ATP11C: variants seen among roughly 807,000 people sequenced by gnomAD.
ATP11C encodes phospholipid-transporting ATPase IG.
Under a neutral mutation model 97.4 loss-of-function variants are expected in ATP11C, and 36 were observed. The observed-to-expected ratio is 0.37, with a 90% CI of 0.28 to 0.49. ATP11C has a LOEUF of 0.49. Ranked by LOEUF, ATP11C falls within the 20% of genes least tolerant of loss-of-function variation. The pLI, the probability that ATP11C is intolerant of heterozygous loss-of-function variation, is 0.98. For missense variants in ATP11C, 730 were observed against 824.6 expected (o/e 0.89, Z 1.40); for synonymous variants, 275 against 290.9 (o/e 0.95, Z 0.56).
intron 6 of ATP11C, 106 bp downstream of exon 6, chrX:139,804,365 A>G: frequency 1.6e-6 from 1 of 644,214 alleles, no homozygotes; most frequent in Non-Finnish European, 2.2e-6. Flanking sequence ...AAACCTAAGA[A>G]AAAATAAAAA....
chrX:139,823,643 C>CA (rs2147870466), intron 2 of ATP11C, among the ~76,000 whole-genome samples: 1 of 110,492 alleles, frequency 9.1e-6, no homozygotes, highest in South Asian at 3.7e-4. Context: ...TGAATAGCAG[C>CA]AAAAAAGAAA....
At chrX:139,793,575 G>A (rs187490978) in intron 12 of ATP11C, among the ~76,000 whole-genome samples, 209 of 111,357 alleles carry the variant, frequency 1.9e-3, no homozygotes, top group South Asian at 3.4e-3. Context: ...GGAACACTTG[G>A]ACTCCATCTT....
At chrX:139,790,479 C>G (rs2082668958) in intron 12 of ATP11C, among the ~76,000 whole-genome samples, 1 of 110,751 alleles carries the variant, frequency 9.0e-6, no homozygotes, top group South Asian at 3.8e-4. Flanking sequence ...CACACACACA[C>G]ACACACACAC....
chrX:139,798,128 A>T, intron 10 of ATP11C, 145 bp downstream of exon 10: 1 of 490,802 alleles, frequency 2.0e-6, no homozygotes, highest in Non-Finnish European at 3.4e-6. Context: ...ATCATTGAGC[A>T]CAGTTTCTGG....
chrX:139,768,567 C>T (rs757181334), intron 19 of ATP11C, 133 bp from the exon 20 acceptor site: 37 of 354,672 alleles, frequency 1.0e-4, no homozygotes, highest in African/African-American at 9.4e-4. Flanking sequence ...AACCTGTTCA[C>T]TCTAAAGAAG....
chrX:139,872,957 T>C (rs1260760654), intron 1 of ATP11C, among the ~76,000 whole-genome samples: 1 of 112,461 alleles, frequency 8.9e-6, no homozygotes, highest in African/African-American at 3.2e-5. Flanking sequence ...TGTTTTTCCT[T>C]TCAGTGCAGC....
At position 139,933,040 on chromosome X, in the gene ATP11C, T is replaced by A. The variant is rs747555367; in HGVS notation, c.-998A>T. 9.8e-5 allele frequency: 11 copies of A among 112,064 alleles called. No homozygotes were observed. The East Asian group carries it at 3.2e-3, about 32-fold the overall frequency. The allele number at this position is 112,064 out of a possible 1,213,427, so 9.2% of individuals were successfully genotyped here. ...TTCCACTTTCTCTGAGGTTGTAAAG[T>A]CAGGCTTTGTGTCGTTGCTGCTGCG... On this transcript the variant is annotated 5_prime_UTR_variant, in exon 1 of 30. Coordinates refer to ENST00000682941, the MANE Select transcript of ATP11C (RefSeq NM_001353812.2).
chrX:139,879,091 A>T (rs1360365297), intron 1 of ATP11C, among the ~76,000 whole-genome samples: 1 of 111,289 alleles, frequency 9.0e-6, no homozygotes, highest in Non-Finnish European at 1.9e-5. Context: ...GCCTGGTAAC[A>T]GAGCAAGACC....
At chrX:139,739,796 C>G (rs1043143767) in intron 27 of ATP11C, among the ~76,000 whole-genome samples, 2 of 111,132 alleles carry the variant, frequency 1.8e-5, no homozygotes, top group Admixed American at 9.6e-5. Context: ...TTATGGTACT[C>G]TGGGCAGACA....
At chrX:139,791,082 T>C (rs1266499804) in intron 12 of ATP11C, among the ~76,000 whole-genome samples, 1 of 111,640 alleles carries the variant, frequency 9.0e-6, no homozygotes, top group African/African-American at 3.3e-5. Context: ...AGAGATGAAC[T>C]ACAGCAGTAG....
intron 1 of ATP11C, among the ~76,000 whole-genome samples, chrX:139,855,256 A>C (rs192820118): frequency 2.7e-3 from 298 of 112,014 alleles, no homozygotes; most frequent in African/African-American, 9.0e-3. Flanking sequence ...CTGCTGATGT[A>C]CCCACATTTA....
chrX:139,855,544 G>A (rs1459796978), intron 1 of ATP11C, among the ~76,000 whole-genome samples: 1 of 111,805 alleles, frequency 8.9e-6, no homozygotes, highest in Non-Finnish European at 1.9e-5. Flanking sequence ...CCCCTCCAGA[G>A]TTGTGGGCCC....
At chrX:139,788,631 C>A (rs1470181976) in intron 13 of ATP11C, among the ~76,000 whole-genome samples, 1 of 111,909 alleles carries the variant, frequency 8.9e-6, no homozygotes, top group Non-Finnish European at 1.9e-5. Context: ...TAAAAAACTT[C>A]ATTCAGTATC....
chrX:139,823,757 A>C (rs746142926), intron 2 of ATP11C, among the ~76,000 whole-genome samples: 10 of 112,357 alleles, frequency 8.9e-5, no homozygotes, highest in Non-Finnish European at 1.9e-4. Context: ...ACATTAGCCT[A>C]GGCAAATAAC....
chrX:139,874,027 A>G (rs1351023470), intron 1 of ATP11C, among the ~76,000 whole-genome samples: 2 of 105,172 alleles, frequency 1.9e-5, no homozygotes, highest in African/African-American at 7.2e-5. Flanking sequence ...TTATTTACAG[A>G]ATATAGAAAA....
chrX:139,844,660 T>A (rs2083884920), intron 1 of ATP11C, among the ~76,000 whole-genome samples: 1 of 112,095 alleles, frequency 8.9e-6, no homozygotes, highest in Admixed American at 9.4e-5. Flanking sequence ...AATCTGTGTG[T>A]GTGTAGGGGC....
intron 1 of ATP11C, among the ~76,000 whole-genome samples, chrX:139,850,900 G>A (rs1019072787): frequency 7.2e-5 from 8 of 111,102 alleles, no homozygotes; most frequent in Non-Finnish European, 1.5e-4. Context: ...ACAGAACAAG[G>A]CTCTGTCTCA....
At chrX:139,862,727 G>C (rs1217256952) in intron 1 of ATP11C, among the ~76,000 whole-genome samples, 1 of 111,610 alleles carries the variant, frequency 9.0e-6, no homozygotes. Context: ...CACCTAAGCA[G>C]GAAGCAGAGC....
chrX:139,754,753 T>C (rs977411100), intron 23 of ATP11C, among the ~76,000 whole-genome samples: 1 of 112,162 alleles, frequency 8.9e-6, no homozygotes, highest in Non-Finnish European at 1.9e-5. Context: ...AAAAACCACA[T>C]GATCATCTCA....
Sources: allele counts gnomAD v4.1 joint callset (sites outside exome capture counted in the v4.1 genomes callset), GRCh38; gene constraint gnomAD v4.1.1; transcripts MANE v1.5; gene names NCBI Gene and HGNC (gene_info 2026-07-23, HGNC 2026-07-21).